Variants in CACNA2D3 observed in about 807,000 individuals in gnomAD.
CACNA2D3 encodes voltage-dependent calcium channel subunit alpha-2/delta-3.
A neutral mutation model predicts 160.6 loss-of-function variants in CACNA2D3; 60 were observed. The ratio of observed to expected loss-of-function variants is 0.37; its 90% CI spans 0.30 to 0.46. The LOEUF is 0.46. Ranked by LOEUF, CACNA2D3 falls within the 20% of genes least tolerant of loss-of-function variation. CACNA2D3 has a pLI of 1.00. For missense variants in CACNA2D3, 1,205 were observed against 1,365.0 expected (o/e 0.88, Z 1.85); for synonymous variants, 558 against 492.9 (o/e 1.13, Z -1.75).
chr3:54,187,029 C>T (rs1225256362), intron 2 of CACNA2D3, among the ~76,000 whole-genome samples: 1 of 152,194 alleles, frequency 6.6e-6, no homozygotes, highest in Non-Finnish European at 1.5e-5. Context: ...TCTGAGTCTG[C>T]TGCTGGGAAT....
chr3:54,672,908 A>G (rs1700185151), intron 11 of CACNA2D3, among the ~76,000 whole-genome samples: 1 of 152,232 alleles, frequency 6.6e-6, no homozygotes, highest in Non-Finnish European at 1.5e-5. Flanking sequence ...GATTGTGATG[A>G]TGATAATGAC....
chr3:54,780,479 T>C (rs539058311), intron 13 of CACNA2D3, among the ~76,000 whole-genome samples: 1 of 152,226 alleles, frequency 6.6e-6, no homozygotes, highest in Non-Finnish European at 1.5e-5. Context: ...GCTAAAGATA[T>C]GGTTTATGGG....
At chr3:54,621,077 T>C (rs181324352) in intron 9 of CACNA2D3, among the ~76,000 whole-genome samples, 368 of 152,282 alleles carry the variant, frequency 2.4e-3, no homozygotes, top group South Asian at 4.4e-3. Flanking sequence ...ATGGGTGTCA[T>C]TGATAGATGG....
In CACNA2D3 at chr3:54,500,610, A is replaced by C. The variant is rs552582970; in HGVS notation, c.382-2882A>C. On this transcript the variant is annotated intron_variant, in intron 4 of 37. Transcript: ENST00000474759. ...TCTTTCTTTCTCTTTTTCTTTCCTT[A>C]TTTCTTTCTTTTTTTCTTCTACTCT... Among the ~76,000 whole-genome samples the C allele has an allele frequency of 9.3e-4, 89 of 95,850 alleles. 1 individual carries two copies. Among genetic ancestry groups the C allele is most frequent in the Middle Eastern group, 0.015 (2 of 134 alleles). 62.9% of individuals were successfully genotyped at this position (95,850 alleles called of 152,430 possible).
rs76738060 is a variant in CACNA2D3, at chr3:54,437,563, T to C, written c.381+50789T>C. The stretch of plus-strand genomic sequence containing the variant: ...GAGACTCAGATGCATTCCTGCATTA[T>C]GGTAGGCCTTCAGCCAAGGGGTGCC... On this transcript the variant is annotated intron_variant, in intron 4 of 37. Transcript: ENST00000474759. Among the ~76,000 whole-genome samples, 508 of 152,332 alleles carry C rather than the reference T, an allele frequency of 3.3e-3. 18 individuals are homozygous for C. The East Asian group carries it at 0.073, about 22-fold the overall frequency.
intron 8 of CACNA2D3, among the ~76,000 whole-genome samples, chr3:54,572,355 T>C (rs1702514169): frequency 6.6e-6 from 1 of 152,218 alleles, no homozygotes; most frequent in Non-Finnish European, 1.5e-5. Flanking sequence ...GTTTAAATAT[T>C]TGTTGAATGA....
At chr3:54,611,131 T>C (rs992384899) in intron 9 of CACNA2D3, among the ~76,000 whole-genome samples, 3 of 152,210 alleles carry the variant, frequency 2.0e-5, no homozygotes, top group African/African-American at 7.2e-5. Flanking sequence ...AAATAACCTT[T>C]GAGAGTTTGT....
At chr3:54,646,315 A>T (rs976773498) in intron 11 of CACNA2D3, among the ~76,000 whole-genome samples, 1 of 150,950 alleles carries the variant, frequency 6.6e-6, no homozygotes, top group Non-Finnish European at 1.5e-5. Context: ...TACATAGGTA[A>T]ACATGTGCCA....
chr3:54,372,797 G>A (rs541107900), intron 3 of CACNA2D3, among the ~76,000 whole-genome samples: 2 of 152,230 alleles, frequency 1.3e-5, no homozygotes, highest in South Asian at 4.2e-4. Flanking sequence ...ATTAAAAACG[G>A]GAGAGCCAGC....
chr3:54,634,698 C>T (rs1042103268), intron 10 of CACNA2D3: 2 of 152,086 alleles, frequency 1.3e-5, no homozygotes, highest in African/African-American at 4.8e-5. Flanking sequence ...GCAAGGTGCT[C>T]AGTGGGGGTG....
chr3:54,468,451 C>T (rs1025791080), intron 4 of CACNA2D3, among the ~76,000 whole-genome samples: 1 of 152,120 alleles, frequency 6.6e-6, no homozygotes, highest in African/African-American at 2.4e-5. Flanking sequence ...CAGGAGATTC[C>T]CTCGGGTGCC....
intron 3 of CACNA2D3, among the ~76,000 whole-genome samples, chr3:54,345,716 C>T (rs1339182959): frequency 2.0e-5 from 3 of 152,134 alleles, no homozygotes; most frequent in Admixed American, 6.5e-5. Flanking sequence ...TCTGTCACTC[C>T]CCAAAGCACC....
chr3:54,898,228 C>CT (rs1182998445), intron 26 of CACNA2D3, among the ~76,000 whole-genome samples: 3,277 of 128,140 alleles, frequency 0.026, 178 homozygotes, highest in African/African-American at 0.086. Flanking sequence ...CCCACCCCGT[C>CT]TTTTTTTTTT....
chr3:55,029,246 G>A (rs188038507), intron 35 of CACNA2D3, among the ~76,000 whole-genome samples: 19 of 152,136 alleles, frequency 1.2e-4, no homozygotes, highest in Middle Eastern at 6.8e-3. Context: ...CTATGGTCTG[G>A]GCTACCACAC....
At chr3:54,612,873 A>AC (rs530665877) in intron 9 of CACNA2D3, among the ~76,000 whole-genome samples, 304 of 152,098 alleles carry the variant, frequency 2.0e-3, no homozygotes, top group African/African-American at 7.1e-3. Context: ...CCGCCTTATT[A>AC]CCCCCACAGT....
At chr3:54,203,329 A>T (rs1047045256) in intron 2 of CACNA2D3, among the ~76,000 whole-genome samples, 6 of 152,114 alleles carry the variant, frequency 3.9e-5, no homozygotes, top group Non-Finnish European at 7.4e-5. Context: ...GAGCATACAG[A>T]TGGGCAGGCT....
At chr3:54,202,705 CA>C (rs554334677) in intron 2 of CACNA2D3, among the ~76,000 whole-genome samples, 8 of 152,030 alleles carry the variant, frequency 5.3e-5, no homozygotes. Flanking sequence ...CAGTTCCTGG[CA>C]AAAAAACCCA....
At chr3:54,643,495 GCTGA>G (rs1300111696) in intron 11 of CACNA2D3, among the ~76,000 whole-genome samples, 2 of 152,292 alleles carry the variant, frequency 1.3e-5, no homozygotes, top group East Asian at 3.9e-4. Context: ...GCGGTGCTGA[GCTGA>G]CTATGTGGGA....
chr3:54,410,750 C>T lies in CACNA2D3; in HGVS notation c.381+23976C>T, dbSNP rs550970280. Among the ~76,000 whole-genome samples, 7 of 152,316 alleles carry T rather than the reference C, an allele frequency of 4.6e-5. No homozygotes were observed. In the East Asian group the frequency reaches 1.2e-3, roughly 25 times the overall value. ...TTTTCATGCCTGCTAACGCAACATC[C>T]GTTCTACAGTCCACGGATCAGGGAG... On this transcript the variant is annotated intron_variant, in intron 4 of 37. Transcript: ENST00000474759.
Sources: allele counts gnomAD v4.1 joint callset (sites outside exome capture counted in the v4.1 genomes callset), GRCh38; gene constraint gnomAD v4.1.1; transcripts MANE v1.5; gene names NCBI Gene and HGNC (gene_info 2026-07-23, HGNC 2026-07-21).